The following UTRN variants were observed in gnomAD, a reference collection of about 807,000 sequenced individuals.
UTRN encodes the protein utrophin, also known as dystrophin-related protein 1.
In UTRN, 283 loss-of-function variants were observed where a neutral mutation model predicts 463.9. That is an observed-to-expected ratio of 0.61 (90% confidence interval 0.55 to 0.67). UTRN has a LOEUF of 0.67. Among genes scored for constraint, UTRN ranks in the 30% least tolerant of loss-of-function variants. The pLI, the probability that UTRN is intolerant of heterozygous loss-of-function variation, is 0.00. For missense variants in UTRN, 3,922 were observed against 4,084.3 expected (o/e 0.96, Z 1.08); for synonymous variants, 1,442 against 1,431.5 (o/e 1.01, Z -0.17).
In UTRN at chr6:144,577,250, G is replaced by T. The variant is rs780384527; in HGVS notation, c.7441G>T (p.Asp2481Tyr). 3.1e-6 allele frequency: 5 copies of T among 1,613,870 alleles called. No individual in the cohort carries two copies. The highest frequency in any genetic ancestry group is 4.2e-6 in the Non-Finnish European group (5 of 1,179,872). The change falls in exon 51 of 75, where the codon GAT (aspartate) becomes TAT (tyrosine). Residue 2481 changes from aspartate to tyrosine, a missense_variant. Physicochemically the swap from Asp to Tyr is radical, Grantham distance 160 (BLOSUM62 -3). Transcript: ENST00000367545. The stretch of plus-strand genomic sequence containing the variant: ...CTCTCATCGGGAGAATGCTCTTCAG[G>T]ATAGTATCTTGGCCAGGGAACTCAA... ...DASHRENALQ[D>Y]SILARELKQQ...
intron 21 of UTRN, 101 bp downstream of exon 21, chr6:144,459,455 C>T: frequency 7.7e-7 from 1 of 1,293,956 alleles, no homozygotes; most frequent in South Asian, 1.5e-5. Context: ...TTTGCACCAA[C>T]CTTCTCCATT....
At chr6:144,343,650 T>C (rs1391499987) in intron 2 of UTRN, among the ~76,000 whole-genome samples, 1 of 152,182 alleles carries the variant, frequency 6.6e-6, no homozygotes, top group Non-Finnish European at 1.5e-5. Context: ...TGCATATGGT[T>C]AAGTTTATTT....
intron 52 of UTRN, among the ~76,000 whole-genome samples, chr6:144,691,045 C>A (rs1005247831): frequency 6.6e-6 from 1 of 152,152 alleles, no homozygotes; most frequent in Admixed American, 6.5e-5. Context: ...GCTAACAATG[C>A]TTCCAATTCA....
chr6:144,638,146 C>T (rs769335698), intron 51 of UTRN, among the ~76,000 whole-genome samples: 14 of 151,984 alleles, frequency 9.2e-5, no homozygotes, highest in Admixed American at 2.6e-4. Context: ...TTATAAACTC[C>T]GAAAAGCTTT....
At chr6:144,596,602 T>A (rs1019704072) in intron 51 of UTRN, among the ~76,000 whole-genome samples, 2 of 152,198 alleles carry the variant, frequency 1.3e-5, no homozygotes, top group Non-Finnish European at 2.9e-5. Flanking sequence ...ATCAAATGAA[T>A]CAAATAGTTG....
intron 52 of UTRN, among the ~76,000 whole-genome samples, chr6:144,686,186 T>C (rs1782738256): frequency 6.6e-6 from 1 of 152,178 alleles, no homozygotes; most frequent in African/African-American, 2.4e-5. Flanking sequence ...TTGTGTGCTT[T>C]GTCAAAATCA....
intron 57 of UTRN, among the ~76,000 whole-genome samples, chr6:144,755,761 T>G (rs1162017943): frequency 1.3e-5 from 2 of 152,160 alleles, no homozygotes; most frequent in Non-Finnish European, 1.5e-5. Flanking sequence ...TTATGACAGT[T>G]TTTTTGCAAC....
At chr6:144,517,756 A>G (rs995792554) in intron 39 of UTRN, among the ~76,000 whole-genome samples, 7 of 152,220 alleles carry the variant, frequency 4.6e-5, no homozygotes, top group Admixed American at 2.6e-4. Flanking sequence ...GTTTTAGCCT[A>G]GGAGCAATTG....
chr6:144,490,668 T>C lies in UTRN; in HGVS notation c.4264-261T>C, dbSNP rs141557874. Among the ~76,000 whole-genome samples the C allele has an allele frequency of 3.9e-5, 6 of 152,344 alleles. No homozygotes were observed. The East Asian group carries it at 1.2e-3, about 29-fold the overall frequency. On this transcript the variant is annotated intron_variant, in intron 31 of 74. Transcript: ENST00000367545. ...GTTTTAATTCCAGTGAGGTCAGCTT[T>C]ATCTAAATTTCTTATCCAAATCTAT...
Position 144,827,646 on chromosome 6 carries a change from C to T in UTRN, c.9569C>T (p.Thr3190Ile). Reference sequence around the variant, plus strand: ...TCTCCTCAACTGTTTCATGATGACACCCATTCAAGAATAGAACAATATGCC... The same window carrying T: ...TCTCCTCAACTGTTTCATGATGACATCCATTCAAGAATAGAACAATATGCC... ...SQSPQLFHDDTHSRIEQYATR... is the reference protein window; with the variant it reads ...SQSPQLFHDDIHSRIEQYATR... The change falls in exon 68 of 75, where the codon ACC becomes ATC. Residue 3190 changes from threonine (T) to isoleucine (I), a missense_variant. Thr to Ile is a moderately conservative substitution (Grantham distance 89). Transcript: ENST00000367545. 3 of 1,613,592 alleles carry T rather than the reference C, an allele frequency of 1.9e-6. No homozygotes were observed. The highest frequency in any genetic ancestry group is 2.5e-6 in the Non-Finnish European group (3 of 1,179,726).
Position 144,577,160 on chromosome 6 carries a change from G to A in UTRN, c.7351G>A (p.Asp2451Asn). 6.2e-7 allele frequency: 1 copy of A among 1,613,996 alleles called. No homozygotes were observed. Among genetic ancestry groups the A allele is most frequent in the Non-Finnish European group, 8.5e-7 (1 of 1,179,938 alleles). Residue 2451 changes from aspartate (D) to asparagine (N), a missense_variant, in exon 51 of 75, where the codon GAT (aspartate) becomes AAT (asparagine). By Grantham distance (23) the Asp-to-Asn change is conservative. Around this residue, in one of 3 missense-constraint regions of UTRN, gnomAD observed 1,309 missense variants for 1,452.6 expected, o/e 0.90. Coordinates refer to ENST00000367545, the MANE Select transcript of UTRN (RefSeq NM_007124.3). ...GAGGACGGTGCAGGCCTCTCGCAGA[G>A]ATCTGGAAAACTTCCTGAAGTGGAT... ...EWRTVQASRRDLENFLKWIQE... is the reference protein window; with the variant it reads ...EWRTVQASRRNLENFLKWIQE...
At chr6:144,566,503 AGAG>A (rs1252064976) in intron 50 of UTRN, among the ~76,000 whole-genome samples, 4 of 152,112 alleles carry the variant, frequency 2.6e-5, no homozygotes, top group Admixed American at 6.5e-5. Context: ...TTTGGAAATG[AGAG>A]GAGAACAGGA....
At chr6:144,489,051 A>C (rs921086115) in intron 30 of UTRN, among the ~76,000 whole-genome samples, 6 of 151,158 alleles carry the variant, frequency 4.0e-5, no homozygotes, top group Non-Finnish European at 8.8e-5. Context: ...ATTTTATTTT[A>C]TTTTATTTAT....
chr6:144,406,399 G>A (rs140294888), intron 3 of UTRN, among the ~76,000 whole-genome samples: 2,068 of 126,932 alleles, frequency 0.016, 10 homozygotes, highest in Middle Eastern at 0.025. Context: ...TAGCTCTGTT[G>A]CCCAGTCTGG....
At chr6:144,603,498 T>C (rs1049937979) in intron 51 of UTRN, among the ~76,000 whole-genome samples, 1 of 152,230 alleles carries the variant, frequency 6.6e-6, no homozygotes, top group African/African-American at 2.4e-5. Context: ...TTTTTTGTTA[T>C]ATTTATTGAC....
intron 51 of UTRN, among the ~76,000 whole-genome samples, chr6:144,633,545 T>C (rs1776774456): frequency 1.3e-5 from 2 of 152,258 alleles, no homozygotes; most frequent in South Asian, 4.1e-4. Context: ...TTCTCCATTT[T>C]GTTCACAAAA....
At chr6:144,809,848 T>G (rs2128749599) in intron 65 of UTRN, among the ~76,000 whole-genome samples, 1 of 152,188 alleles carries the variant, frequency 6.6e-6, no homozygotes, top group East Asian at 1.9e-4. Context: ...AAATATCTTC[T>G]TCCCATCTTA....
At chr6:144,489,429 G>A (rs769306938) in intron 30 of UTRN, among the ~76,000 whole-genome samples, 19 of 151,674 alleles carry the variant, frequency 1.3e-4, no homozygotes, top group Non-Finnish European at 2.4e-4. Flanking sequence ...GATTACAGGC[G>A]TGAGCCACTG....
chr6:144,699,954 A>G (rs1161161709), intron 52 of UTRN, 133 bp from the exon 53 acceptor site: 1 of 565,428 alleles, frequency 1.8e-6, no homozygotes, highest in African/African-American at 1.9e-5. Flanking sequence ...ATTTACAAGG[A>G]GTCAGTCTCT....
Sources: gnomAD v4.1 joint callset for allele counts (sites outside exome capture counted in the v4.1 genomes callset) on GRCh38, gnomAD v4.1.1 for gene constraint, gnomAD v4.1.1 regional missense constraint, MANE v1.5 for transcripts, NCBI Gene and HGNC (gene_info 2026-07-23, HGNC 2026-07-21) for gene names.